The following JAKMIP3 variants were observed in gnomAD, a reference collection of about 807,000 sequenced individuals.
JAKMIP3 encodes janus kinase and microtubule-interacting protein 3.
Under a neutral mutation model 118.5 loss-of-function variants are expected in JAKMIP3, and 58 were observed. That is an observed-to-expected ratio of 0.49 (90% CI 0.40 to 0.61). JAKMIP3 has a LOEUF of 0.61. Among genes scored for constraint, JAKMIP3 ranks in the 20% least tolerant of loss-of-function variants. JAKMIP3 has a pLI of 0.00. For synonymous variants in JAKMIP3, 486 were observed against 451.2 expected, an observed-to-expected ratio of 1.08 and a Z score of -0.98; for missense variants, 950 against 1,109.0, an observed-to-expected ratio of 0.86 and a Z score of 2.04.
At chr10:132,053,584 T>C (rs983131692) in intron 1 of JAKMIP3, among the ~76,000 whole-genome samples, 2 of 152,216 alleles carry the variant, frequency 1.3e-5, no homozygotes, top group Non-Finnish European at 2.9e-5. Flanking sequence ...TTTGTTACCT[T>C]AAGTGGGAGG....
intron 23 of JAKMIP3, among the ~76,000 whole-genome samples, chr10:132,178,443 C>A (rs1468200001): frequency 6.6e-6 from 1 of 152,136 alleles, no homozygotes; most frequent in Non-Finnish European, 1.5e-5. Context: ...GAAAAAAATA[C>A]CTTGACTGTG....
chr10:132,097,909 T>TTTCCTTCCTTCCTTTTCTTTTC lies in JAKMIP3; in HGVS notation c.-137-6762_-137-6761insTCCTTCCTTCCTTTTCTTTTCT, dbSNP rs2044153551. On this transcript the variant is annotated intron_variant, in intron 1 of 23. Coordinates refer to ENST00000684848, the MANE Select transcript of JAKMIP3 (RefSeq NM_001323087.2). The stretch of plus-strand genomic sequence containing the variant: ...TCTTCCCTTCCCCTTCCCCTTCCCC[T>TTTCCTTCCTTCCTTTTCTTTTC]TCCCCTTCCCCTTTCCTTCCCCTTC... Among the ~76,000 whole-genome samples the TTTCCTTCCTTCCTTTTCTTTTC allele has an allele frequency of 2.1e-4, 10 of 47,914 alleles. 1 individual carries two copies. The highest frequency in any genetic ancestry group is 6.2e-4 in the African/African-American group (9 of 14,574). 31.4% of individuals were successfully genotyped at this position (47,914 alleles called of 152,430 possible).
chr10:132,174,703 T>G (rs1169796117), intron 23 of JAKMIP3, among the ~76,000 whole-genome samples: 1 of 152,234 alleles, frequency 6.6e-6, no homozygotes, highest in Non-Finnish European at 1.5e-5. Context: ...CCAGAGTGAC[T>G]GTTCCATTTT....
rs764099664 is a variant in JAKMIP3, at chr10:132,140,467, CCTT to C, written c.1365_1367del (p.Phe456del). ...GGTCACAAGCCGGTGGTTGTGGAGACCTTCTTTGGATACGACGAAGAGGCTTCC... is the reference window on the plus strand; with the variant it reads ...GGTCACAAGCCGGTGGTTGTGGAGACCTTTGGATACGACGAAGAGGCTTCC... On this transcript the variant is annotated inframe_deletion, in exon 10 of 24. Coordinates refer to ENST00000684848, the MANE Select transcript of JAKMIP3 (RefSeq NM_001323087.2). 6.2e-6 allele frequency: 10 copies of C among 1,613,830 alleles called. No homozygotes were observed. Among genetic ancestry groups the C allele is most frequent in the Non-Finnish European group, 5.9e-6 (7 of 1,179,836 alleles).
chr10:132,166,586 T>A (rs1590015994), intron 21 of JAKMIP3, among the ~76,000 whole-genome samples: 1 of 152,324 alleles, frequency 6.6e-6, no homozygotes, highest in Middle Eastern at 3.4e-3. Flanking sequence ...AATACAACGT[T>A]CACCATTATT....
intron 9 of JAKMIP3, among the ~76,000 whole-genome samples, chr10:132,140,172 C>T (rs939718859): frequency 5.3e-5 from 8 of 152,236 alleles, no homozygotes; most frequent in African/African-American, 9.6e-5. Flanking sequence ...ACCGCAGGGA[C>T]GGTGCCCCAC....
chr10:132,042,465 C>T (rs973504013), intron 1 of JAKMIP3, among the ~76,000 whole-genome samples: 1 of 152,174 alleles, frequency 6.6e-6, no homozygotes, highest in Non-Finnish European at 1.5e-5. Flanking sequence ...GCCTCGATCT[C>T]CCAAAATGTT....
rs1474750688 is a variant in JAKMIP3 at position 132,180,588 on chromosome 10, T to TGC, written c.*1104-1768_*1104-1767insCG. Among the ~76,000 whole-genome samples the TGC allele has an allele frequency of 6.8e-4, 19 of 28,012 alleles. 2 individuals are homozygous for TGC. Among genetic ancestry groups the TGC allele is most frequent in the South Asian group, 6.3e-3 (5 of 792 alleles). 18.4% of individuals were successfully genotyped at this position (28,012 alleles called of 152,430 possible). ...GTGTGCGTGTGTGTGTGCGTGCGCG[T>TGC]GTGTGTGTGCGTGCGCGTGTGTGTG... On this transcript the variant is annotated intron_variant, in intron 23 of 23. Transcript: ENST00000684848.
chr10:132,149,955 C>T (rs751526277), intron 15 of JAKMIP3, 27 bp from the exon 16 acceptor site: 2 of 1,374,338 alleles, frequency 1.5e-6, no homozygotes, highest in South Asian at 1.3e-5. Flanking sequence ...CGTGGCCACT[C>T]ACCCCTACCT....
At chr10:132,082,589 T>C (rs1392805065) in intron 1 of JAKMIP3, among the ~76,000 whole-genome samples, 1 of 152,192 alleles carries the variant, frequency 6.6e-6, no homozygotes, top group Non-Finnish European at 1.5e-5. Context: ...TAGTATTCCA[T>C]TGTGTATATA....
intron 15 of JAKMIP3, 46 bp from the exon 16 acceptor site, chr10:132,149,936 T>G: frequency 2.0e-6 from 1 of 508,006 alleles, no homozygotes; most frequent in Admixed American, 4.3e-5. Flanking sequence ...CCACCCCCTC[T>G]GCCCACCCCG....
Position 132,138,194 on chromosome 10 carries a change from C to A in JAKMIP3, c.1344+16C>A, listed in dbSNP as rs1195643047. 1.9e-5 allele frequency: 30 copies of A among 1,602,918 alleles called. No homozygotes were observed. Among genetic ancestry groups the A allele is most frequent in the Non-Finnish European group, 2.5e-5 (29 of 1,174,358 alleles). ...ACTTCCCAAGGTAAGGAACAGCACA[C>A]CGGCACGTGCGGAGAGTACGCCGGG... On this transcript the variant is annotated intron_variant, in intron 9 of 23. Transcript: ENST00000684848.
At chr10:132,075,058 C>T (rs1460740474) in intron 1 of JAKMIP3, among the ~76,000 whole-genome samples, 1 of 152,174 alleles carries the variant, frequency 6.6e-6, no homozygotes, top group African/African-American at 2.4e-5. Flanking sequence ...ATACCAGCAC[C>T]ATGCTGTTTT....
intron 14 of JAKMIP3, among the ~76,000 whole-genome samples, chr10:132,148,387 G>A (rs1244389898): frequency 1.3e-5 from 2 of 152,180 alleles, no homozygotes; most frequent in Admixed American, 6.5e-5. Flanking sequence ...ACAAAAGCAC[G>A]ACGGGTGACA....
intron 23 of JAKMIP3, among the ~76,000 whole-genome samples, chr10:132,176,116 T>A (rs1187097265): frequency 6.6e-6 from 1 of 152,198 alleles, no homozygotes; most frequent in Non-Finnish European, 1.5e-5. Flanking sequence ...CCATGTTCCC[T>A]GCAGGATCTG....
intron 1 of JAKMIP3, among the ~76,000 whole-genome samples, chr10:132,051,626 G>A (rs2038109418): frequency 6.7e-6 from 1 of 149,410 alleles, no homozygotes; most frequent in Admixed American, 6.6e-5. Context: ...TTTGAGATGT[G>A]GTCTCCCTTT....
intron 11 of JAKMIP3, among the ~76,000 whole-genome samples, chr10:132,142,641 A>C (rs922499572): frequency 3.3e-5 from 5 of 152,214 alleles, no homozygotes; most frequent in African/African-American, 1.2e-4. Context: ...AGGGCAGTGC[A>C]GGCACCAGGC....
chr10:132,117,634 TGCAGGG>T lies in JAKMIP3; in HGVS notation c.633+63_633+68del, dbSNP rs1408177055. 4.2e-6 allele frequency: 4 copies of T among 949,228 alleles called. No homozygotes were observed. The highest frequency in any genetic ancestry group is 2.0e-5 in the South Asian group (1 of 50,164). The allele number at this position is 949,228 out of a possible 1,614,324, so 58.8% of individuals were successfully genotyped here. A position where few individuals can be genotyped will look rare whatever the true frequency, so the allele number is the denominator to read the frequency against. ...GTGCAGGGGCGGGCGTGGGCGAGGG[TGCAGGG>T]GCGGGCGTGGGCGAGGGTGCAGGCG... On this transcript the variant is annotated intron_variant, in intron 3 of 23. Transcript: ENST00000684848. This position sits in a 1 kb window ranked among gnomAD's most constrained non-coding sequence, Gnocchi z 8.6.
intron 23 of JAKMIP3, among the ~76,000 whole-genome samples, chr10:132,177,469 C>T (rs1167015334): frequency 6.6e-6 from 1 of 150,878 alleles, no homozygotes. Context: ...TGTGTGTGTG[C>T]ACACTGTGCA....
Sources: gnomAD v4.1 joint callset for allele counts (sites outside exome capture counted in the v4.1 genomes callset) on GRCh38, gnomAD v4.1.1 for gene constraint, Gnocchi (gnomAD v3.1) non-coding constraint, MANE v1.5 for transcripts, NCBI Gene and HGNC (gene_info 2026-07-23, HGNC 2026-07-21) for gene names.